PCDH11Y: variants seen among roughly 807,000 people sequenced by gnomAD.
The protein encoded by PCDH11Y is protocadherin 11 Y-linked, also known as protocadherin-11 Y-linked.
For missense variants in PCDH11Y, 12 were observed against 224.8 expected, an observed-to-expected ratio of 0.05 and a Z score of 6.05; for synonymous variants, 9 against 83.6, an observed-to-expected ratio of 0.11 and a Z score of 4.87.
chrY:5,005,490 C>G, intron 1 of PCDH11Y, among the ~76,000 whole-genome samples: 1 of 33,685 alleles, frequency 3.0e-5, no homozygotes, highest in Non-Finnish European at 7.4e-5. Flanking sequence ...AATTCCCCAT[C>G]TTCCATCTAT....
chrY:5,202,638 C>A, intron 2 of PCDH11Y, among the ~76,000 whole-genome samples: 1 of 33,115 alleles, frequency 3.0e-5, no homozygotes, highest in Non-Finnish European at 7.4e-5. Context: ...GAAGTTTCAT[C>A]ACTCTGTTCC....
At chrY:5,537,492 A>T in intron 3 of PCDH11Y, among the ~76,000 whole-genome samples, 1 of 32,107 alleles carries the variant, frequency 3.1e-5, no homozygotes, top group Non-Finnish European at 7.6e-5. Context: ...TCTGAAGTTA[A>T]GGTTTTAGGT....
chrY:5,326,574 A>G, intron 2 of PCDH11Y, among the ~76,000 whole-genome samples: 2 of 32,182 alleles, frequency 6.2e-5, no homozygotes, highest in African/African-American at 2.5e-4. Context: ...GAGGAACAGG[A>G]AAGAAGGAAA....
At chrY:5,304,895 G>C in intron 2 of PCDH11Y, among the ~76,000 whole-genome samples, 1 of 33,480 alleles carries the variant, frequency 3.0e-5, no homozygotes, top group Non-Finnish European at 7.4e-5. Context: ...GACAAAGTTT[G>C]TAGTAATTTG....
At chrY:5,395,268 C>T in intron 2 of PCDH11Y, among the ~76,000 whole-genome samples, 12 of 32,201 alleles carry the variant, frequency 3.7e-4, no homozygotes, top group Non-Finnish European at 8.3e-4. Flanking sequence ...AATAAAAATA[C>T]TTCCCTCTAT....
intron 3 of PCDH11Y, among the ~76,000 whole-genome samples, chrY:5,035,779 T>C (rs2052598228): frequency 1.1e-3 from 35 of 32,494 alleles, no homozygotes; most frequent in African/African-American, 3.8e-3. Context: ...TCAAAAATGT[T>C]ATGAAGGGTT....
intron 2 of PCDH11Y, among the ~76,000 whole-genome samples, chrY:5,425,593 G>A (rs2053262540): frequency 3.0e-5 from 1 of 33,040 alleles, no homozygotes; most frequent in Non-Finnish European, 7.5e-5. Context: ...AACTGGAAGT[G>A]TTCTGCACTA....
chrY:5,567,821 G>A, intron 3 of PCDH11Y, among the ~76,000 whole-genome samples: 1 of 29,874 alleles, frequency 3.3e-5, no homozygotes, highest in African/African-American at 1.3e-4. Context: ...TCGGGTCTGG[G>A]ACAATGTCAT....
chrY:5,015,364 A>G (rs2052559944), intron 1 of PCDH11Y, among the ~76,000 whole-genome samples: 1 of 33,046 alleles, frequency 3.0e-5, no homozygotes. Flanking sequence ...CACCATTGCC[A>G]TGTAGACTGA....
At chrY:5,154,320 G>A (rs1307785164) in intron 2 of PCDH11Y, among the ~76,000 whole-genome samples, 1 of 32,966 alleles carries the variant, frequency 3.0e-5, no homozygotes, top group African/African-American at 1.2e-4. Flanking sequence ...TGGTAAATAA[G>A]CTTTGAAAGT....
chrY:5,432,601 C>CT (rs2053269877), intron 2 of PCDH11Y, among the ~76,000 whole-genome samples: 20 of 29,974 alleles, frequency 6.7e-4, no homozygotes, highest in Non-Finnish European at 1.2e-3. Flanking sequence ...AAAGCTCAGA[C>CT]TTTTTTTTTT....
At chrY:5,127,455 T>C (rs2052826706) in intron 2 of PCDH11Y, among the ~76,000 whole-genome samples, 1 of 32,889 alleles carries the variant, frequency 3.0e-5, no homozygotes, top group Non-Finnish European at 7.4e-5. Context: ...TTTCATGATG[T>C]GTAGTAAAGT....
chrY:5,264,050 T>TG (rs2053022711), intron 2 of PCDH11Y, among the ~76,000 whole-genome samples: 1 of 32,005 alleles, frequency 3.1e-5, no homozygotes, highest in African/African-American at 1.2e-4. Context: ...CCTCTCCCAG[T>TG]GGACACCACC....
chrY:5,623,410 T>C, intron 4 of PCDH11Y, among the ~76,000 whole-genome samples: 1 of 32,123 alleles, frequency 3.1e-5, no homozygotes, highest in Non-Finnish European at 7.6e-5. Context: ...GTAAGCATAG[T>C]ACCTGATAGT....
chrY:5,682,680 G>A (rs2124709704), intron 4 of PCDH11Y, among the ~76,000 whole-genome samples: 1 of 31,136 alleles, frequency 3.2e-5, no homozygotes, highest in Admixed American at 3.0e-4. Flanking sequence ...ATTATATCAA[G>A]CTCCAACAGG....
downstream of PCDH11Y, among the ~76,000 whole-genome samples, chrY:5,109,796 A>C: frequency 2.1e-4 from 7 of 33,800 alleles, no homozygotes; most frequent in Admixed American, 1.9e-3. Flanking sequence ...ATTATTTCCC[A>C]GAATTTTCAG....
chrY:5,337,077 G>A (rs2558165), intron 2 of PCDH11Y, among the ~76,000 whole-genome samples: 1 of 32,893 alleles, frequency 3.0e-5, no homozygotes, highest in South Asian at 6.8e-4. Flanking sequence ...ATGTTTTCTT[G>A]TGACAATTTG....
chrY:5,544,940 CT>C (rs2053411405), intron 3 of PCDH11Y, among the ~76,000 whole-genome samples: 1 of 30,611 alleles, frequency 3.3e-5, no homozygotes. Flanking sequence ...AGAAGCTCAT[CT>C]TTTTTTTACT....
chrY:5,015,764 C>T, intron 1 of PCDH11Y, among the ~76,000 whole-genome samples: 1 of 28,988 alleles, frequency 3.4e-5, no homozygotes, highest in African/African-American at 1.4e-4. Context: ...TGGTTTGGCT[C>T]TGTGTCCCCA....
Sources: gnomAD v4.1 joint callset for allele counts (sites outside exome capture counted in the v4.1 genomes callset) on GRCh38, gnomAD v4.1.1 for gene constraint, MANE v1.5 for transcripts, NCBI Gene and HGNC (gene_info 2026-07-23, HGNC 2026-07-21) for gene names.